Variants in CNTNAP2 observed in about 807,000 individuals in gnomAD.
CNTNAP2 encodes contactin associated protein 2.
Under a neutral mutation model 155.2 loss-of-function variants are expected in CNTNAP2, and 98 were observed. That is an observed-to-expected ratio of 0.63 (90% CI 0.54 to 0.75). The LOEUF is 0.75. CNTNAP2 is among the 30% of genes least tolerant of loss of function. The pLI is 0.00. For missense variants in CNTNAP2, 1,727 were observed against 1,688.1 expected, an observed-to-expected ratio of 1.02 and a Z score of -0.40; for synonymous variants, 651 against 631.2, an observed-to-expected ratio of 1.03 and a Z score of -0.47.
intron 1 of CNTNAP2, among the ~76,000 whole-genome samples, chr7:146,279,217 T>C (rs1800210887): frequency 6.6e-6 from 1 of 152,182 alleles, no homozygotes; most frequent in African/African-American, 2.4e-5. Context: ...TGTTGTTGTC[T>C]TTGTTGTGTT....
At chr7:146,808,683 T>A (rs2191988) in intron 2 of CNTNAP2, among the ~76,000 whole-genome samples, 10,716 of 152,234 alleles carry the variant, frequency 0.07, 507 homozygotes, top group African/African-American at 0.13. Flanking sequence ...ATTGGAAGTA[T>A]ACATGATTTG....
chr7:146,745,322 A>G lies in CNTNAP2; in HGVS notation c.98-28949A>G, dbSNP rs558777693. Among the ~76,000 whole-genome samples, 491 of 152,324 alleles carry G rather than the reference A, an allele frequency of 3.2e-3. 4 individuals carry two copies. The highest frequency in any genetic ancestry group is 5.9e-3 in the Non-Finnish European group (403 of 68,024). ...TTTATTATCTCATTTGATCCTCACG[A>G]TAACCCTATAAGTTTGGTATCATTA... On this transcript the variant is annotated intron_variant, in intron 1 of 23. Coordinates refer to ENST00000361727, the MANE Select transcript of CNTNAP2 (RefSeq NM_014141.6).
At chr7:147,601,175 G>A (rs1432931184) in intron 12 of CNTNAP2, among the ~76,000 whole-genome samples, 1 of 152,062 alleles carries the variant, frequency 6.6e-6, no homozygotes, top group Non-Finnish European at 1.5e-5. Flanking sequence ...AAATTATTTT[G>A]AAGCAAATTC....
intron 21 of CNTNAP2, among the ~76,000 whole-genome samples, chr7:148,328,909 G>A (rs1290789674): frequency 7.0e-6 from 1 of 143,600 alleles, no homozygotes; most frequent in Non-Finnish European, 1.5e-5. Context: ...CTGGGAGGCG[G>A]AGCTTGCAGT....
At chr7:147,839,939 T>TACAC (rs376480999) in intron 13 of CNTNAP2, among the ~76,000 whole-genome samples, 3 of 149,746 alleles carry the variant, frequency 2.0e-5, no homozygotes, top group Non-Finnish European at 3.0e-5. Flanking sequence ...TATATATGTA[T>TACAC]ACACACACAC....
chr7:146,597,464 T>C (rs1297619673), intron 1 of CNTNAP2, among the ~76,000 whole-genome samples: 1 of 152,060 alleles, frequency 6.6e-6, no homozygotes, highest in Non-Finnish European at 1.5e-5. Context: ...TTAATTATTT[T>C]GACACGCACA....
intron 21 of CNTNAP2, chr7:148,339,615 C>G (rs1175578287): frequency 6.6e-6 from 1 of 152,350 alleles, no homozygotes; most frequent in Non-Finnish European, 1.5e-5. Context: ...CACACCTGAA[C>G]CGGGGCTGGC....
chr7:148,078,356 A>G (rs1268519496), intron 15 of CNTNAP2, among the ~76,000 whole-genome samples: 1 of 152,090 alleles, frequency 6.6e-6, no homozygotes, highest in African/African-American at 2.4e-5. Flanking sequence ...TGAGCAAGGC[A>G]TTGAGCCACC....
intron 12 of CNTNAP2, among the ~76,000 whole-genome samples, chr7:147,612,595 T>A (rs1373020091): frequency 6.6e-6 from 1 of 151,996 alleles, no homozygotes; most frequent in Non-Finnish European, 1.5e-5. Context: ...GAGGCTGAGT[T>A]TCACTATGTT....
chr7:147,747,635 A>G (rs58012296), intron 13 of CNTNAP2, among the ~76,000 whole-genome samples: 96,020 of 152,020 alleles, frequency 0.63, 33,391 homozygotes, highest in East Asian at 0.92. Flanking sequence ...GCTGGATCCT[A>G]TGATAGTTCT....
chr7:146,155,788 C>T (rs1454482408), intron 1 of CNTNAP2, among the ~76,000 whole-genome samples: 2 of 151,930 alleles, frequency 1.3e-5, no homozygotes, highest in South Asian at 2.1e-4. Context: ...CAACCTCCTC[C>T]TCCCAGGTTC....
chr7:147,551,670 A>G (rs953005076), intron 11 of CNTNAP2, among the ~76,000 whole-genome samples: 6 of 152,188 alleles, frequency 3.9e-5, no homozygotes, highest in Non-Finnish European at 7.4e-5. Flanking sequence ...TCAGATGCTA[A>G]TATCTTGTTG....
chr7:146,403,861 G>T (rs1795748308), intron 1 of CNTNAP2, among the ~76,000 whole-genome samples: 1 of 152,050 alleles, frequency 6.6e-6, no homozygotes, highest in African/African-American at 2.4e-5. Context: ...TCAGAACTTG[G>T]ACTTAAAAAA....
intron 14 of CNTNAP2, among the ~76,000 whole-genome samples, chr7:147,923,905 A>G (rs547577319): frequency 1.3e-5 from 2 of 152,290 alleles, no homozygotes; most frequent in East Asian, 1.9e-4. Flanking sequence ...AACTGTGAGA[A>G]AATAAATCTC....
intron 1 of CNTNAP2, among the ~76,000 whole-genome samples, chr7:146,369,228 G>A (rs1333299815): frequency 6.6e-6 from 1 of 151,706 alleles, no homozygotes; most frequent in Non-Finnish European, 1.5e-5. Context: ...ACAGCAAGAA[G>A]TCTGTCTCCT....
intron 1 of CNTNAP2, among the ~76,000 whole-genome samples, chr7:146,770,012 G>T (rs1178301165): frequency 6.6e-6 from 1 of 152,044 alleles, no homozygotes; most frequent in East Asian, 1.9e-4. Flanking sequence ...TAGGAAAGGG[G>T]TTCATTGACA....
rs150847530 is a variant in CNTNAP2, at chr7:148,318,768, C to T, written c.3475+51642C>T. On this transcript the variant is annotated intron_variant, in intron 21 of 23. Coordinates refer to ENST00000361727, the MANE Select transcript of CNTNAP2 (RefSeq NM_014141.6). ...AACTCATCAAGATTCTACAACCAAC[C>T]GGCTCTTGAGTTTCAATCTCCATGT... Among the ~76,000 whole-genome samples the T allele has an allele frequency of 1.7e-3, 255 of 152,274 alleles. 1 individual carries two copies. The highest frequency in any genetic ancestry group is 3.4e-3 in the Middle Eastern group (1 of 294).
At chr7:147,091,725 C>T (rs1163249175) in intron 4 of CNTNAP2, among the ~76,000 whole-genome samples, 3 of 152,022 alleles carry the variant, frequency 2.0e-5, no homozygotes, top group Non-Finnish European at 4.4e-5. Context: ...CCTGCCTCAG[C>T]GTCCCGGGTA....
intron 1 of CNTNAP2, among the ~76,000 whole-genome samples, chr7:146,690,673 A>G (rs1381900193): frequency 1.3e-5 from 2 of 152,200 alleles, no homozygotes; most frequent in Non-Finnish European, 2.9e-5. Context: ...TTCACAGACA[A>G]TTCTATGCAA....
Sources: allele counts gnomAD v4.1 joint callset (sites outside exome capture counted in the v4.1 genomes callset), GRCh38; gene constraint gnomAD v4.1.1; transcripts MANE v1.5; gene names NCBI Gene and HGNC (gene_info 2026-07-23, HGNC 2026-07-21).